Variants in NOL4 observed in about 807,000 individuals in gnomAD.
The protein encoded by NOL4 is cancer/testis antigen 125.
A neutral mutation model predicts 75.9 loss-of-function variants in NOL4; 17 were observed. The ratio of observed to expected loss-of-function variants is 0.22; its 90% CI spans 0.15 to 0.34. The LOEUF is 0.34. NOL4 is among the 10% of genes least tolerant of loss of function. The pLI is 1.00. For missense variants in NOL4, 614 were observed against 793.5 expected (o/e 0.77, Z 2.72); for synonymous variants, 292 against 289.9 (o/e 1.01, Z -0.07).
chr18:34,177,664 G>C (rs1171807206), intron 1 of NOL4, among the ~76,000 whole-genome samples: 1 of 151,712 alleles, frequency 6.6e-6, no homozygotes, highest in Admixed American at 6.6e-5. Flanking sequence ...TAAGAAATTA[G>C]GAAGGCCAAA....
chr18:33,898,814 A>G (rs961998650), intron 9 of NOL4, among the ~76,000 whole-genome samples: 6 of 152,128 alleles, frequency 3.9e-5, no homozygotes, highest in Non-Finnish European at 7.4e-5. Flanking sequence ...ACAAAACCCA[A>G]AGTTCCTTGC....
At chr18:34,079,604 C>T (rs933776240) in intron 5 of NOL4, among the ~76,000 whole-genome samples, 1 of 152,074 alleles carries the variant, frequency 6.6e-6, no homozygotes, top group Non-Finnish European at 1.5e-5. Flanking sequence ...ACTACCCTGC[C>T]ACAGGGACAA....
chr18:34,184,508 T>C (rs1328726320), intron 1 of NOL4, among the ~76,000 whole-genome samples: 1 of 151,706 alleles, frequency 6.6e-6, no homozygotes, highest in African/African-American at 2.4e-5. Context: ...AAAAAGAACA[T>C]AGAGTTGGAA....
chr18:34,090,962 A>G (rs78579781), intron 5 of NOL4, among the ~76,000 whole-genome samples: 5,179 of 152,194 alleles, frequency 0.034, 93 homozygotes, highest in Middle Eastern at 0.048. Context: ...CAAAATTGAT[A>G]TTGAAACTTA....
intron 6 of NOL4, among the ~76,000 whole-genome samples, chr18:34,000,601 T>G (rs1423039904): frequency 6.6e-6 from 1 of 152,140 alleles, no homozygotes; most frequent in African/African-American, 2.4e-5. Flanking sequence ...GATTTGCAAC[T>G]GTAATTGGAT....
intron 6 of NOL4, among the ~76,000 whole-genome samples, chr18:33,997,009 C>G (rs183063738): frequency 2.6e-5 from 4 of 151,940 alleles, no homozygotes. Flanking sequence ...GAACTTTTGT[C>G]AGATGCATAA....
At chr18:34,140,624 T>C (rs1449135033) in intron 1 of NOL4, among the ~76,000 whole-genome samples, 1 of 152,196 alleles carries the variant, frequency 6.6e-6, no homozygotes, top group Non-Finnish European at 1.5e-5. Context: ...GGGTCTTGAC[T>C]CTGTATCCAA....
At chr18:34,153,923 C>T (rs980611556) in intron 1 of NOL4, among the ~76,000 whole-genome samples, 1 of 151,942 alleles carries the variant, frequency 6.6e-6, no homozygotes, top group South Asian at 2.1e-4. Flanking sequence ...GTAAATCGGA[C>T]CCATTACTTC....
intron 1 of NOL4, among the ~76,000 whole-genome samples, chr18:34,186,428 A>G (rs753712052): frequency 5.3e-5 from 8 of 152,182 alleles, no homozygotes; most frequent in Non-Finnish European, 7.4e-5. Context: ...TTCATAACTA[A>G]TTGTGTTATC....
intron 1 of NOL4, among the ~76,000 whole-genome samples, chr18:34,168,716 G>A (rs563759847): frequency 1.3e-5 from 2 of 151,690 alleles, no homozygotes; most frequent in East Asian, 3.9e-4. Flanking sequence ...AGGAGTCAAA[G>A]GATTAGCAGA....
At chr18:33,974,524 A>G (rs562126378) in intron 6 of NOL4, among the ~76,000 whole-genome samples, 33 of 152,310 alleles carry the variant, frequency 2.2e-4, no homozygotes, top group African/African-American at 7.7e-4. Flanking sequence ...CACGACATTT[A>G]TTTATTTCAT....
intron 2 of NOL4, among the ~76,000 whole-genome samples, chr18:34,119,526 T>G (rs2080021968): frequency 6.6e-6 from 1 of 152,204 alleles, no homozygotes; most frequent in South Asian, 2.1e-4. Flanking sequence ...TCTGATCATG[T>G]TCTCCCTCAG....
intron 6 of NOL4, among the ~76,000 whole-genome samples, chr18:34,006,251 A>AAATGT (rs2074019419): frequency 6.6e-6 from 1 of 152,116 alleles, no homozygotes; most frequent in Admixed American, 6.6e-5. Context: ...TCTAAGGAGA[A>AAATGT]AATGTAATGG....
chr18:33,880,724 G>T (rs991165620), intron 10 of NOL4, among the ~76,000 whole-genome samples: 1 of 152,114 alleles, frequency 6.6e-6, no homozygotes, highest in South Asian at 2.1e-4. Flanking sequence ...CAAATCAAAA[G>T]CCTCTTTGAA....
chr18:34,035,119 C>T lies in NOL4; in HGVS notation c.773-15518G>A, dbSNP rs2075826319. On this transcript the variant is annotated intron_variant, in intron 5 of 10. Transcript: ENST00000261592. ...CATTAGACCAAATAAACCTAACAGACATTTAAAAAAACATTACATTTTATT... is the reference window on the plus strand; with the variant it reads ...CATTAGACCAAATAAACCTAACAGATATTTAAAAAAACATTACATTTTATT... 2.0e-5 allele frequency among the ~76,000 whole-genome samples: 3 copies of T among 152,040 alleles called. No individual in the cohort carries two copies. In the South Asian group the frequency reaches 6.2e-4, roughly 31 times the overall value.
In NOL4 at chr18:34,204,217, A is replaced by G. The variant is rs1452203659; in HGVS notation, c.264+18773T>C. Among the ~76,000 whole-genome samples the G allele has an allele frequency of 3.3e-5, 5 of 151,776 alleles. No individual in the cohort carries two copies. The South Asian group carries it at 8.3e-4, about 25-fold the overall frequency. ...CTGATTATTATGTGTAGTCTCTGCA[A>G]TTGGAGGAAAGTCCGTGCTCTTTGA... On this transcript the variant is annotated intron_variant, in intron 1 of 10. Coordinates refer to ENST00000261592, the MANE Select transcript of NOL4 (RefSeq NM_003787.5).
At chr18:34,093,298 A>T (rs2078612918) in intron 5 of NOL4, among the ~76,000 whole-genome samples, 167 bp downstream of exon 5, 1 of 152,208 alleles carries the variant, frequency 6.6e-6, no homozygotes, top group African/African-American at 2.4e-5. Flanking sequence ...TGAATTAAAA[A>T]ATAGTGAAGT....
At chr18:34,020,823 A>G (rs1276192447) in intron 5 of NOL4, among the ~76,000 whole-genome samples, 4 of 152,184 alleles carry the variant, frequency 2.6e-5, no homozygotes, top group Non-Finnish European at 5.9e-5. Context: ...TTTATCTTAT[A>G]TGATAAAAAT....
chr18:34,177,274 G>A (rs932982782), intron 1 of NOL4, among the ~76,000 whole-genome samples: 1 of 151,998 alleles, frequency 6.6e-6, no homozygotes, highest in African/African-American at 2.4e-5. Context: ...GATAGGGATA[G>A]ATGGGTCATG....
Sources: gnomAD v4.1 joint callset for allele counts (sites outside exome capture counted in the v4.1 genomes callset) on GRCh38, gnomAD v4.1.1 for gene constraint, MANE v1.5 for transcripts, NCBI Gene and HGNC (gene_info 2026-07-23, HGNC 2026-07-21) for gene names.